PRKN: variants seen among roughly 807,000 people sequenced by gnomAD.
The protein encoded by PRKN is parkin RBR E3 ubiquitin protein ligase, also known as E3 ubiquitin-protein ligase parkin.
Under a neutral mutation model 59.5 loss-of-function variants are expected in PRKN, and 56 were observed. That is an observed-to-expected ratio of 0.94 (90% CI 0.76 to 1.18). The LOEUF (loss-of-function observed/expected upper bound fraction) is 1.18. Among genes scored for constraint, PRKN ranks in the 50% most tolerant of loss-of-function variants. The probability of loss-of-function intolerance (pLI) is 0.00; values close to 1 mark genes in which losing one functional copy is unlikely to be tolerated. For synonymous variants in PRKN, 250 were observed against 222.1 expected (o/e 1.13, Z -1.12); for missense variants, 657 against 596.4 (o/e 1.10, Z -1.06).
At chr6:162,507,302 C>T (rs1026898545) in intron 1 of PRKN, among the ~76,000 whole-genome samples, 2 of 152,088 alleles carry the variant, frequency 1.3e-5, no homozygotes, top group Non-Finnish European at 2.9e-5. Flanking sequence ...CGTATGATTT[C>T]ACTCCTATGC....
chr6:162,234,507 G>C (rs1235917630), intron 3 of PRKN, among the ~76,000 whole-genome samples: 1 of 152,066 alleles, frequency 6.6e-6, no homozygotes, highest in Non-Finnish European at 1.5e-5. Flanking sequence ...CCATGGATAC[G>C]ACGGTCTGCA....
chr6:162,200,994 A>G (rs1207070080), intron 4 of PRKN, 137 bp downstream of exon 4: 6 of 996,832 alleles, frequency 6.0e-6, no homozygotes, highest in African/African-American at 1.6e-5. Flanking sequence ...TTCGGCTATC[A>G]TTAACTATCA....
chr6:161,882,314 CTT>C (rs1408998023), intron 6 of PRKN, among the ~76,000 whole-genome samples: 6 of 152,134 alleles, frequency 3.9e-5, no homozygotes, highest in Non-Finnish European at 5.9e-5. Context: ...GCAGTAAACA[CTT>C]TGATCACAGC....
intron 7 of PRKN, among the ~76,000 whole-genome samples, chr6:161,733,792 A>ATATATATATATATATATATACT: frequency 1.4e-5 from 1 of 71,164 alleles, no homozygotes; most frequent in East Asian, 4.7e-4. Flanking sequence ...AAATATATAT[A>ATATATATATATATATATATACT]TATATGTATA....
intron 1 of PRKN, among the ~76,000 whole-genome samples, chr6:162,716,772 G>GCA (rs1242131965): frequency 1.5e-5 from 2 of 134,640 alleles, no homozygotes; most frequent in Non-Finnish European, 3.1e-5. Flanking sequence ...GCGCGCGCAC[G>GCA]CACACACACA....
chr6:161,603,145 C>T (rs1782164059), intron 7 of PRKN, among the ~76,000 whole-genome samples: 1 of 152,048 alleles, frequency 6.6e-6, no homozygotes. Context: ...GCTAAATTGC[C>T]GATTTTTTTT....
intron 7 of PRKN, among the ~76,000 whole-genome samples, chr6:161,750,608 A>C (rs1788649584): frequency 6.6e-6 from 1 of 151,936 alleles, no homozygotes. Flanking sequence ...TCTCTACTAA[A>C]AGTACAAAAG....
intron 6 of PRKN, among the ~76,000 whole-genome samples, chr6:161,913,093 A>G (rs2128237407): frequency 6.7e-6 from 1 of 150,312 alleles, no homozygotes; most frequent in Non-Finnish European, 1.5e-5. Context: ...AGAATTGCCC[A>G]GAGGCGGAGG....
At chr6:162,292,482 T>A (rs1206221272) in intron 2 of PRKN, among the ~76,000 whole-genome samples, 10 of 152,138 alleles carry the variant, frequency 6.6e-5, no homozygotes, top group South Asian at 4.1e-4. Flanking sequence ...TTAAAAAAAA[T>A]CCCAGGCAAA....
At chr6:162,078,256 TG>T (rs1432189908) in intron 4 of PRKN, among the ~76,000 whole-genome samples, 2 of 152,090 alleles carry the variant, frequency 1.3e-5, no homozygotes, top group Non-Finnish European at 2.9e-5. Flanking sequence ...CTTTAGTGCA[TG>T]GATACACTTG....
intron 2 of PRKN, among the ~76,000 whole-genome samples, chr6:162,442,006 A>G (rs1264768006): frequency 8.2e-6 from 1 of 121,352 alleles, no homozygotes; most frequent in Non-Finnish European, 1.7e-5. Context: ...GTTGACTGAA[A>G]TAGAAAAAAA....
intron 2 of PRKN, among the ~76,000 whole-genome samples, chr6:162,274,822 C>A (rs1780552292): frequency 6.6e-6 from 1 of 152,072 alleles, no homozygotes; most frequent in African/African-American, 2.4e-5. Context: ...TGGCTCACGC[C>A]TGTAATCCCA....
chr6:162,308,154 T>C (rs1470074780), intron 2 of PRKN, among the ~76,000 whole-genome samples: 1 of 152,168 alleles, frequency 6.6e-6, no homozygotes, highest in Non-Finnish European at 1.5e-5. Context: ...CAGTTGTTTG[T>C]AGCCCCTCAG....
chr6:162,366,905 A>C (rs1457161686), intron 2 of PRKN, among the ~76,000 whole-genome samples: 1 of 152,156 alleles, frequency 6.6e-6, no homozygotes, highest in East Asian at 1.9e-4. Context: ...ATCTCAAAAT[A>C]AAATAAATTT....
At position 162,133,019 on chromosome 6, in the gene PRKN, G is replaced by T. The variant is rs530553248; in HGVS notation, c.534+68112C>A. 1.9e-3 allele frequency among the ~76,000 whole-genome samples: 297 copies of T among 152,338 alleles called. 1 individual carries two copies. The highest frequency in any genetic ancestry group is 6.8e-3 in the African/African-American group (284 of 41,584). On this transcript the variant is annotated intron_variant, in intron 4 of 11. Transcript: ENST00000366898. ...GGGCAGCAGAACATGTGCTTGGAGA[G>T]ATGGCCACAATCACATCAGGACAGT...
At chr6:161,938,273 A>G (rs1779428021) in intron 6 of PRKN, among the ~76,000 whole-genome samples, 1 of 152,366 alleles carries the variant, frequency 6.6e-6, no homozygotes, top group African/African-American at 2.4e-5. Flanking sequence ...GCACATTAGA[A>G]GCATTAATAC....
intron 2 of PRKN, among the ~76,000 whole-genome samples, chr6:162,284,529 G>A (rs542329730): frequency 2.6e-4 from 39 of 152,150 alleles, no homozygotes; most frequent in African/African-American, 8.4e-4. Flanking sequence ...CGGCCATATT[G>A]TGTTATTTCA....
intron 1 of PRKN, among the ~76,000 whole-genome samples, chr6:162,608,596 C>G (rs1434327533): frequency 3.9e-5 from 6 of 152,180 alleles, no homozygotes; most frequent in Non-Finnish European, 8.8e-5. Context: ...GACAAATAGT[C>G]AAGAAGCAGA....
intron 7 of PRKN, among the ~76,000 whole-genome samples, chr6:161,731,517 T>A (rs1039730659): frequency 3.9e-5 from 6 of 152,258 alleles, no homozygotes; most frequent in Non-Finnish European, 8.8e-5. Context: ...AGTAAAAGTA[T>A]GTATTTTGAG....
Sources: allele counts gnomAD v4.1 joint callset (sites outside exome capture counted in the v4.1 genomes callset), GRCh38; gene constraint gnomAD v4.1.1; transcripts MANE v1.5; gene names NCBI Gene and HGNC (gene_info 2026-07-23, HGNC 2026-07-21).